The following CSNK1D variants were observed in gnomAD, a reference collection of about 807,000 sequenced individuals.
CSNK1D encodes the protein casein kinase 1 delta, also known as casein kinase I isoform delta.
In CSNK1D, 16 loss-of-function variants were observed where a neutral mutation model predicts 46.6. That is an observed-to-expected ratio of 0.34 (90% CI 0.23 to 0.52). The LOEUF (loss-of-function observed/expected upper bound fraction) is 0.52, where lower values mean the gene tolerates loss of function less well. Among genes scored for constraint, CSNK1D ranks in the 20% least tolerant of loss-of-function variants. CSNK1D has a pLI of 0.95. For missense variants in CSNK1D, 398 were observed against 578.4 expected, an observed-to-expected ratio of 0.69 and a Z score of 3.20; for synonymous variants, 276 against 228.2, an observed-to-expected ratio of 1.21 and a Z score of -1.89.
chr17:82,242,634 T>C, downstream of CSNK1D: 8 of 984,408 alleles, frequency 8.1e-6, no homozygotes, highest in Non-Finnish European at 9.7e-6. Context: ...CTCAAGCTGA[T>C]GAAATAAAGA....
At chr17:82,246,555 G>A in intron 8 of CSNK1D, 1 of 1,043,416 alleles carries the variant, frequency 9.6e-7, no homozygotes, top group Non-Finnish European at 1.2e-6. Context: ...GGCTACTGTA[G>A]CCAAAGAGCC....
chr17:82,239,787 C>T (rs1028203039), downstream of CSNK1D: 3 of 397,738 alleles, frequency 7.5e-6, no homozygotes, highest in South Asian at 2.8e-4. Flanking sequence ...CCTGCCTTCC[C>T]TTTTTCGCCC....
chr17:82,242,556 CT>C (rs2050756148), downstream of CSNK1D: 1 of 831,278 alleles, frequency 1.2e-6, no homozygotes, highest in Non-Finnish European at 1.5e-6. Context: ...CACCCACAGG[CT>C]GAGAAAGAAC....
intron 2 of CSNK1D, among the ~76,000 whole-genome samples, chr17:82,257,236 T>G (rs2051195609): frequency 6.6e-6 from 1 of 152,146 alleles, no homozygotes; most frequent in Admixed American, 6.5e-5. Flanking sequence ...CTTTATAACT[T>G]CTAGATACTA....
chr17:82,246,171 CCA>C, intron 8 of CSNK1D: 1 of 1,541,284 alleles, frequency 6.5e-7, no homozygotes, highest in Non-Finnish European at 8.7e-7. Flanking sequence ...CTGGGGGAGC[CCA>C]GGCACAGAGC....
chr17:82,253,507 G>A (rs907895556), intron 3 of CSNK1D: 11 of 480,996 alleles, frequency 2.3e-5, no homozygotes, highest in African/African-American at 2.1e-4. Context: ...GACAGAGAGG[G>A]GACAACCCGC....
chr17:82,246,818 C>T, intron 8 of CSNK1D: 1 of 986,540 alleles, frequency 1.0e-6, no homozygotes, highest in South Asian at 4.7e-5. Flanking sequence ...GAGCGACGGC[C>T]CGAGGAGGAA....
chr17:82,273,080 G>T lies in CSNK1D; in HGVS notation c.76+226C>A. On this transcript the variant is annotated intron_variant, in intron 1 of 8. Transcript: ENST00000314028. This position sits in a 1 kb window ranked among gnomAD's most constrained non-coding sequence, Gnocchi z 5.1. ...CCCAACCCTCCCCTCTCCAGACCCT[G>T]CTCCCCCGACCTGGTCCTGCCCCTC... 2 of 288,858 alleles carry T rather than the reference G, an allele frequency of 6.9e-6. No individual in the cohort carries two copies. Among genetic ancestry groups the T allele is most frequent in the African/African-American group, 3.4e-5 (1 of 29,468 alleles). The allele number at this position is 288,858 out of a possible 1,614,324, so 17.9% of individuals were successfully genotyped here. A position where few individuals can be genotyped will look rare whatever the true frequency, so the allele number is the denominator to read the frequency against.
chr17:82,255,072 T>G lies in CSNK1D; in HGVS notation c.336+357A>C. ...GCCAGTGAGCTGAGCCGCCGGAGCC[T>G]CGAGAAGCCAGTGAGCTGGGCCGCC... On this transcript the variant is annotated intron_variant, in intron 3 of 8. Transcript: ENST00000314028. The surrounding 1 kb of genome is among the most constrained non-coding windows in gnomAD (Gnocchi z 5.9). 2.7e-6 allele frequency: 1 copy of G among 373,384 alleles called. No individual in the cohort carries two copies. The highest frequency in any genetic ancestry group is 2.2e-5 in the African/African-American group (1 of 44,762). The allele number at this position is 373,384 out of a possible 1,614,324, so 23.1% of individuals were successfully genotyped here.
At position 82,244,504 on chromosome 17, in the gene CSNK1D, G is replaced by T; in HGVS notation, c.*277C>A. The T allele has an allele frequency of 5.0e-6, 7 of 1,413,986 alleles. No homozygotes were observed. The highest frequency in any genetic ancestry group is 6.5e-6 in the Non-Finnish European group (7 of 1,082,424). 87.6% of individuals were successfully genotyped at this position (1,413,986 alleles called of 1,614,324 possible). ...TGGAGGGAGCTGAGGCCCTGGAAAAGGAGTCTGATTCTCTGCAATTCTCTC... is the reference window on the plus strand; with the variant it reads ...TGGAGGGAGCTGAGGCCCTGGAAAATGAGTCTGATTCTCTGCAATTCTCTC... On this transcript the variant is annotated 3_prime_UTR_variant, in exon 9 of 9. Transcript: ENST00000314028.
At position 82,250,080 on chromosome 17, in the gene CSNK1D, G is replaced by A. The variant is rs1177652337; in HGVS notation, c.886-478C>T. ...GACCCTGCAGCCTCCAACAGCCTGTGCAGGTGTGGTGGCGTGGCCAGCAGC... is the reference window on the plus strand; with the variant it reads ...GACCCTGCAGCCTCCAACAGCCTGTACAGGTGTGGTGGCGTGGCCAGCAGC... On this transcript the variant is annotated intron_variant, in intron 6 of 8. Coordinates refer to ENST00000314028, the MANE Select transcript of CSNK1D (RefSeq NM_001893.6). This position sits in a 1 kb window ranked among gnomAD's most constrained non-coding sequence, Gnocchi z 4.6. The A allele has an allele frequency of 7.8e-7, 1 of 1,289,716 alleles. No homozygotes were observed. Among genetic ancestry groups the A allele is most frequent in the Non-Finnish European group, 1.0e-6 (1 of 989,360 alleles). 79.9% of individuals were successfully genotyped at this position (1,289,716 alleles called of 1,614,324 possible).
At chr17:82,247,432 T>C (rs1316649621) in intron 8 of CSNK1D, 7 of 985,468 alleles carry the variant, frequency 7.1e-6, no homozygotes, top group African/African-American at 1.7e-5. Context: ...CTGGACACTT[T>C]ACTTTCTTTA....
At chr17:82,257,022 C>T (rs1012268959) in intron 2 of CSNK1D, among the ~76,000 whole-genome samples, 54 of 152,154 alleles carry the variant, frequency 3.5e-4, no homozygotes, top group African/African-American at 1.3e-3. Context: ...TGCAGTGGCA[C>T]CATCTCGGCT....
intron 1 of CSNK1D, among the ~76,000 whole-genome samples, chr17:82,269,881 A>C (rs1375278829): frequency 6.6e-6 from 1 of 152,272 alleles, no homozygotes; most frequent in Non-Finnish European, 1.5e-5. Context: ...GTCCACATTA[A>C]GGACACTGGC....
intron 3 of CSNK1D, among the ~76,000 whole-genome samples, chr17:82,254,844 G>A (rs1383729194): frequency 1.5e-5 from 2 of 135,518 alleles, no homozygotes; most frequent in African/African-American, 2.9e-5. Flanking sequence ...AGCCGCCGGG[G>A]CCTCGAGAAG....
chr17:82,273,111 C>T lies in CSNK1D; in HGVS notation c.76+195G>A. On this transcript the variant is annotated intron_variant, in intron 1 of 8. Coordinates refer to ENST00000314028, the MANE Select transcript of CSNK1D (RefSeq NM_001893.6). This position sits in a 1 kb window ranked among gnomAD's most constrained non-coding sequence, Gnocchi z 5.1. ...CCGACCTGGTCCTGCCCCTCCCCCA[C>T]GTCCGCTCCCCACTGCCCTCCCCAC... 1 of 591,150 alleles carries T rather than the reference C, an allele frequency of 1.7e-6. No homozygotes were observed. The highest frequency in any genetic ancestry group is 2.0e-5 in the South Asian group (1 of 49,632). 36.6% of individuals were successfully genotyped at this position (591,150 alleles called of 1,614,324 possible).
Position 82,249,493 on chromosome 17 carries a change from C to A in CSNK1D, c.995G>T (p.Gly332Val). Residue 332 changes from glycine to valine, a missense_variant, in exon 7 of 9, where the codon GGC becomes GTC. By Grantham distance (109) the Gly-to-Val change is moderately radical. Coordinates refer to ENST00000314028, the MANE Select transcript of CSNK1D (RefSeq NM_001893.6). The surrounding 1 kb of genome is among the most constrained non-coding windows in gnomAD (Gnocchi z 6.7). ...CACTTCCTGCGTCCCCCGCAGGCGGCCGGAGGCTGTGGAAGGGAGGCCGCG... is the reference window on the plus strand; with the variant it reads ...CACTTCCTGCGTCCCCCGCAGGCGGACGGAGGCTGTGGAAGGGAGGCCGCG... The part of the protein sequence containing the change: ...ATRGLPSTAS[G>V]RLRGTQEVAP... 1 of 1,543,442 alleles carries A rather than the reference C, an allele frequency of 6.5e-7. No individual in the cohort carries two copies. Among genetic ancestry groups the A allele is most frequent in the South Asian group, 1.2e-5 (1 of 83,980 alleles).
At chr17:82,271,361 C>T (rs960239263) in intron 1 of CSNK1D, among the ~76,000 whole-genome samples, 3 of 152,208 alleles carry the variant, frequency 2.0e-5, no homozygotes, top group African/African-American at 7.2e-5. Context: ...TGAGCCACCA[C>T]ACCCGGCCCA....
chr17:82,248,659 G>A lies in CSNK1D; in HGVS notation c.1197+216C>T, dbSNP rs1599579874. On this transcript the variant is annotated intron_variant, in intron 8 of 8. Coordinates refer to ENST00000314028, the MANE Select transcript of CSNK1D (RefSeq NM_001893.6). This position sits in a 1 kb window ranked among gnomAD's most constrained non-coding sequence, Gnocchi z 4.1. ...ACCTGAGACCTGAGACTGGCCACCT[G>A]CAACCAGGAGACAAGCCCCATGACG... The A allele has an allele frequency of 9.3e-6, 13 of 1,397,770 alleles. No homozygotes were observed. The South Asian group carries it at 1.8e-4, about 20-fold the overall frequency. 86.6% of individuals were successfully genotyped at this position (1,397,770 alleles called of 1,614,324 possible).
Sources: gnomAD v4.1 joint callset for allele counts (sites outside exome capture counted in the v4.1 genomes callset) on GRCh38, gnomAD v4.1.1 for gene constraint, Gnocchi (gnomAD v3.1) non-coding constraint, MANE v1.5 for transcripts, NCBI Gene and HGNC (gene_info 2026-07-23, HGNC 2026-07-21) for gene names.